Variants in BACH2 observed in about 807,000 individuals in gnomAD.
BACH2 encodes transcription regulator protein BACH2.
BACH2 carries 5 observed loss-of-function variants against 61.8 expected under a neutral mutation model. The observed-to-expected ratio is 0.08, with a 90% CI of 0.04 to 0.17. The LOEUF (loss-of-function observed/expected upper bound fraction) is 0.17, where lower values mean the gene tolerates loss of function less well. BACH2 is among the 10% of genes least tolerant of loss of function. BACH2 has a pLI of 1.00. For missense variants in BACH2, 824 were observed against 1,091.1 expected (o/e 0.76, Z 3.45); for synonymous variants, 446 against 440.1 (o/e 1.01, Z -0.17).
chr6:90,255,430 G>A (rs1770945701), intron 2 of BACH2, among the ~76,000 whole-genome samples: 1 of 152,204 alleles, frequency 6.6e-6, no homozygotes, highest in South Asian at 2.1e-4. Context: ...GGCCACCTGA[G>A]TGGTGAAACT....
At chr6:90,051,255 T>C (rs569215473) in intron 5 of BACH2, among the ~76,000 whole-genome samples, 1 of 152,336 alleles carries the variant, frequency 6.6e-6, no homozygotes, top group East Asian at 1.9e-4. Flanking sequence ...TACTGGTATA[T>C]AAGGCAATTA....
At position 89,951,761 on chromosome 6, in the gene BACH2, G is replaced by T. The variant is rs1774139691; in HGVS notation, c.345C>A (p.Phe115Leu). The T allele has an allele frequency of 6.2e-7, 1 of 1,614,104 alleles. No individual in the cohort carries two copies. Among genetic ancestry groups the T allele is most frequent in the African/African-American group, 1.3e-5 (1 of 74,920 alleles). The stretch of plus-strand genomic sequence containing the variant: ...AGTCCTCCAGGTTGTGCATGCGCAG[G>T]AACTCAGCACAGCGGATGACCTCGC... The part of the protein sequence containing the change: ...NIREVIRCAE[F>L]LRMHNLEDSC... Residue 115 changes from phenylalanine (F) to leucine (L), a missense_variant, in exon 7 of 9, where the codon TTC becomes TTA. Phe to Leu is a conservative substitution (Grantham distance 22). Around this residue, in one of 8 missense-constraint regions of BACH2, gnomAD observed 107 missense variants for 121.7 expected, o/e 0.88. Coordinates refer to ENST00000257749, the MANE Select transcript of BACH2 (RefSeq NM_021813.4). This position sits in a 1 kb window ranked among gnomAD's most constrained non-coding sequence, Gnocchi z 6.4.
intron 6 of BACH2, among the ~76,000 whole-genome samples, chr6:89,958,138 T>C (rs1299301489): frequency 2.0e-5 from 3 of 152,188 alleles, no homozygotes; most frequent in Non-Finnish European, 4.4e-5. Flanking sequence ...ATAATTTTTT[T>C]GTTTACTAAT....
intron 5 of BACH2, among the ~76,000 whole-genome samples, chr6:90,074,711 T>A (rs1427991522): frequency 6.6e-6 from 1 of 152,096 alleles, no homozygotes; most frequent in Admixed American, 6.6e-5. Context: ...GGGGAGAACA[T>A]AATCAGATGG....
At chr6:90,054,940 C>T (rs570855542) in intron 5 of BACH2, among the ~76,000 whole-genome samples, 19 of 152,216 alleles carry the variant, frequency 1.2e-4, no homozygotes, top group African/African-American at 2.9e-4. Context: ...AACTAACAAA[C>T]GGAAAGGACA....
At chr6:90,170,440 T>C (rs1028175196) in intron 4 of BACH2, among the ~76,000 whole-genome samples, 1 of 152,204 alleles carries the variant, frequency 6.6e-6, no homozygotes, top group African/African-American at 2.4e-5. Flanking sequence ...TTGTCTGCTT[T>C]AATCACTGAT....
intron 7 of BACH2, among the ~76,000 whole-genome samples, chr6:89,944,114 C>T (rs1304558035): frequency 6.6e-6 from 1 of 152,216 alleles, no homozygotes; most frequent in Non-Finnish European, 1.5e-5. Flanking sequence ...AAATATGGGA[C>T]ACCTGGGATT....
chr6:90,132,353 C>T (rs1050448600), intron 4 of BACH2, among the ~76,000 whole-genome samples: 2 of 152,228 alleles, frequency 1.3e-5, no homozygotes, highest in Non-Finnish European at 1.5e-5. Flanking sequence ...GGGTTATATA[C>T]CAAGCATCAG....
intron 4 of BACH2, among the ~76,000 whole-genome samples, chr6:90,123,701 C>T (rs1433413534): frequency 7.9e-6 from 1 of 125,860 alleles, no homozygotes; most frequent in Non-Finnish European, 1.6e-5. Flanking sequence ...ACCCGGGAGG[C>T]GGAGCTTGCA....
Position 90,257,996 on chromosome 6 carries a change from G to A in BACH2, c.-352-5406C>T, listed in dbSNP as rs564100779. ...TCACCATGTTGGCCAGGATGGTCTCGATCTCCTGACCTTGTGATCCCCCTA... is the reference window on the plus strand; with the variant it reads ...TCACCATGTTGGCCAGGATGGTCTCAATCTCCTGACCTTGTGATCCCCCTA... On this transcript the variant is annotated intron_variant, in intron 2 of 8. Coordinates refer to ENST00000257749, the MANE Select transcript of BACH2 (RefSeq NM_021813.4). Among the ~76,000 whole-genome samples the A allele has an allele frequency of 5.5e-4, 84 of 152,160 alleles. 1 individual carries two copies. The highest frequency in any genetic ancestry group is 6.8e-3 in the Middle Eastern group (2 of 294).
chr6:90,241,397 G>A (rs1770448544), intron 3 of BACH2, among the ~76,000 whole-genome samples: 1 of 152,128 alleles, frequency 6.6e-6, no homozygotes, highest in Non-Finnish European at 1.5e-5. Flanking sequence ...ACAGGGGGCA[G>A]GCTGGGACAG....
At chr6:89,952,495 A>G (rs1774188612) in intron 6 of BACH2, among the ~76,000 whole-genome samples, 1 of 152,346 alleles carries the variant, frequency 6.6e-6, no homozygotes, top group South Asian at 2.1e-4. Context: ...ATCTCACCAG[A>G]GATGACAACA....
chr6:90,057,107 A>C (rs1380198519), intron 5 of BACH2, among the ~76,000 whole-genome samples: 1 of 152,224 alleles, frequency 6.6e-6, no homozygotes, highest in African/African-American at 2.4e-5. Context: ...GCAGAAGGCA[A>C]GAAATAACCG....
chr6:90,116,901 G>C (rs981194416), intron 4 of BACH2: 1 of 568,648 alleles, frequency 1.8e-6, no homozygotes. Context: ...TCTTTTTTCT[G>C]TCTTTTCTCT....
At chr6:90,296,289 TC>T (rs2127897804) in intron 1 of BACH2, among the ~76,000 whole-genome samples, 190 bp downstream of exon 1, 1 of 151,386 alleles carries the variant, frequency 6.6e-6, no homozygotes, top group Non-Finnish European at 1.5e-5. Context: ...CCCACCCCCT[TC>T]CCGTTCCTAG....
chr6:89,952,720 G>A (rs1453387528), intron 6 of BACH2, among the ~76,000 whole-genome samples: 1 of 152,154 alleles, frequency 6.6e-6, no homozygotes, highest in East Asian at 1.9e-4. Context: ...GTCATTTGCT[G>A]CTTATCTGTT....
At position 89,951,482 on chromosome 6, in the gene BACH2, G is replaced by A. The variant is rs991761443; in HGVS notation, c.624C>T (p.Pro208=). The A allele has an allele frequency of 1.2e-6, 2 of 1,614,158 alleles. No individual in the cohort carries two copies. The highest frequency in any genetic ancestry group is 1.6e-4 in the Middle Eastern group (1 of 6,062). ...PVAEKEEALL[P]EPDVPTDTKE... ...TGGTGTCTGTGGGCACGTCAGGCTCGGGCAGCAGGGCTTCTTCCTTCTCTG... is the reference window on the plus strand; with the variant it reads ...TGGTGTCTGTGGGCACGTCAGGCTCAGGCAGCAGGGCTTCTTCCTTCTCTG... The change falls in exon 7 of 9, where the codon CCC becomes CCT. Residue 208 remains proline, a synonymous_variant. Coordinates refer to ENST00000257749, the MANE Select transcript of BACH2 (RefSeq NM_021813.4). This position sits in a 1 kb window ranked among gnomAD's most constrained non-coding sequence, Gnocchi z 6.4.
intron 4 of BACH2, among the ~76,000 whole-genome samples, chr6:90,134,019 T>C (rs1784190301): frequency 6.6e-6 from 1 of 152,346 alleles, no homozygotes. Flanking sequence ...TGTGTCTTTA[T>C]AGCAGCATGA....
intron 2 of BACH2, among the ~76,000 whole-genome samples, chr6:90,267,160 C>T (rs1030365900): frequency 6.6e-6 from 1 of 152,108 alleles, no homozygotes; most frequent in African/African-American, 2.4e-5. Context: ...TTCCCATGTC[C>T]TCTACCCTAC....
Sources: gnomAD v4.1 joint callset for allele counts (sites outside exome capture counted in the v4.1 genomes callset) on GRCh38, gnomAD v4.1.1 for gene constraint, gnomAD v4.1.1 regional missense constraint, Gnocchi (gnomAD v3.1) non-coding constraint, MANE v1.5 for transcripts, NCBI Gene and HGNC (gene_info 2026-07-23, HGNC 2026-07-21) for gene names.